The following THSD7B variants were observed in gnomAD, a reference collection of about 807,000 sequenced individuals.
The protein encoded by THSD7B is thrombospondin type 1 domain containing 7B.
Under a neutral mutation model 213.6 loss-of-function variants are expected in THSD7B, and 138 were observed. The observed-to-expected ratio is 0.65, with a 90% CI of 0.56 to 0.74. The LOEUF (loss-of-function observed/expected upper bound fraction) is 0.74, where lower values mean the gene tolerates loss of function less well. Among genes scored for constraint, THSD7B ranks in the 30% least tolerant of loss-of-function variants. The pLI is 0.00. For synonymous variants in THSD7B, 742 were observed against 687.0 expected (o/e 1.08, Z -1.25); for missense variants, 1,931 against 1,991.5 (o/e 0.97, Z 0.58).
chr2:137,136,219 A>T (rs928944663), intron 5 of THSD7B, among the ~76,000 whole-genome samples: 6 of 152,150 alleles, frequency 3.9e-5, no homozygotes, highest in Non-Finnish European at 7.3e-5. Context: ...TGATGGGTGG[A>T]GCAAAACCAC....
chr2:137,147,452 C>T (rs1423428994), intron 5 of THSD7B, among the ~76,000 whole-genome samples: 1 of 149,072 alleles, frequency 6.7e-6, no homozygotes, highest in South Asian at 2.1e-4. Flanking sequence ...ATGAGGCCTT[C>T]ATTACTCCTT....
chr2:136,905,358 G>A (rs1389367967), intron 2 of THSD7B, among the ~76,000 whole-genome samples: 1 of 152,118 alleles, frequency 6.6e-6, no homozygotes, highest in Non-Finnish European at 1.5e-5. Context: ...AGTTGGTGAG[G>A]CAGCACAGAT....
chr2:137,076,948 T>G (rs35602389), intron 3 of THSD7B, among the ~76,000 whole-genome samples: 12,402 of 150,960 alleles, frequency 0.082, 739 homozygotes, highest in African/African-American at 0.16. Context: ...TAACATTAGG[T>G]ATATCTCCTA....
chr2:137,412,208 T>C (rs561661475), intron 14 of THSD7B, among the ~76,000 whole-genome samples: 24 of 152,194 alleles, frequency 1.6e-4, no homozygotes, highest in African/African-American at 5.5e-4. Context: ...TGCTGTTTTT[T>C]CATGCTCTGA....
At chr2:137,052,325 T>C (rs568866175) in intron 2 of THSD7B, among the ~76,000 whole-genome samples, 1 of 152,294 alleles carries the variant, frequency 6.6e-6, no homozygotes, top group Admixed American at 6.5e-5. Context: ...ATCATTGAAG[T>C]ACTTTCTGAG....
chr2:137,218,827 G>C (rs1341858030), intron 7 of THSD7B, among the ~76,000 whole-genome samples: 2 of 151,808 alleles, frequency 1.3e-5, no homozygotes, highest in African/African-American at 2.4e-5. Flanking sequence ...TTTACAGCTG[G>C]TTGGTTTTAC....
At chr2:137,048,636 G>A (rs1024533040) in intron 2 of THSD7B, among the ~76,000 whole-genome samples, 4 of 152,180 alleles carry the variant, frequency 2.6e-5, no homozygotes, top group African/African-American at 4.8e-5. Flanking sequence ...TTTGTTTTAC[G>A]TATTTTTAAA....
chr2:137,451,376 A>C (rs968687288), intron 15 of THSD7B, among the ~76,000 whole-genome samples: 1 of 151,568 alleles, frequency 6.6e-6, no homozygotes, highest in Non-Finnish European at 1.5e-5. Context: ...AAATATAAGT[A>C]ATAATGTTGG....
intron 1 of THSD7B, among the ~76,000 whole-genome samples, chr2:136,776,860 G>GCACA (rs145111981): frequency 6.6e-6 from 1 of 151,624 alleles, no homozygotes; most frequent in Non-Finnish European, 1.5e-5. Context: ...ACACACGTAT[G>GCACA]CACACACACA....
intron 12 of THSD7B, among the ~76,000 whole-genome samples, chr2:137,324,157 A>G (rs939627291): frequency 6.6e-6 from 1 of 152,158 alleles, no homozygotes; most frequent in Non-Finnish European, 1.5e-5. Flanking sequence ...TTTTCATTTC[A>G]CTTATCACAT....
At chr2:137,322,230 A>C (rs1289844999) in intron 12 of THSD7B, among the ~76,000 whole-genome samples, 2 of 152,200 alleles carry the variant, frequency 1.3e-5, no homozygotes, top group Non-Finnish European at 2.9e-5. Flanking sequence ...GCTTTTACAA[A>C]GTTGCAAATC....
intron 7 of THSD7B, among the ~76,000 whole-genome samples, chr2:137,211,271 A>G (rs1681096111): frequency 8.8e-6 from 1 of 113,340 alleles, no homozygotes; most frequent in Admixed American, 9.6e-5. Context: ...ACAATGGGGC[A>G]TAGTCCATTT....
chr2:136,873,674 A>G (rs1185698246), intron 1 of THSD7B, among the ~76,000 whole-genome samples: 2 of 152,154 alleles, frequency 1.3e-5, no homozygotes, highest in East Asian at 3.8e-4. Flanking sequence ...GCTGGAGTGG[A>G]GTTCTGACTT....
rs16836977 is a variant in THSD7B at position 136,846,765 on chromosome 2, T to C, written c.-35-35379T>C. On this transcript the variant is annotated intron_variant, in intron 1 of 27. Transcript: ENST00000409968. ...AAGAAAATCACCCACTGAAGCACTG[T>C]ATGGGTTTTACGATACACAGATTTC... 9.6e-3 allele frequency among the ~76,000 whole-genome samples: 1,469 copies of C among 152,262 alleles called. 27 individuals are homozygous for C. The highest frequency in any genetic ancestry group is 0.034 in the African/African-American group (1,393 of 41,540).
chr2:136,864,642 TC>T (rs1683305024), intron 1 of THSD7B, among the ~76,000 whole-genome samples: 1 of 152,056 alleles, frequency 6.6e-6, no homozygotes, highest in Non-Finnish European at 1.5e-5. Flanking sequence ...AAGCTCCACC[TC>T]CCAGGTTCAC....
At chr2:137,328,269 C>T (rs1367819319) in intron 12 of THSD7B, among the ~76,000 whole-genome samples, 1 of 152,128 alleles carries the variant, frequency 6.6e-6, no homozygotes, top group Non-Finnish European at 1.5e-5. Context: ...TTGGCAGAAA[C>T]AGCAACAACA....
chr2:137,663,332 T>C, intron 25 of THSD7B, 51 bp from the exon 26 acceptor site: 6 of 1,379,402 alleles, frequency 4.3e-6, no homozygotes, highest in Non-Finnish European at 5.8e-6. Context: ...TTTTTATTCA[T>C]TCACCTGTTC....
At chr2:137,112,889 A>G (rs1325547603) in intron 4 of THSD7B, among the ~76,000 whole-genome samples, 4 of 152,126 alleles carry the variant, frequency 2.6e-5, no homozygotes, top group Non-Finnish European at 4.4e-5. Context: ...GTCAGGCTCA[A>G]TGATTGGTAT....
chr2:137,371,842 T>C (rs1558773716), intron 12 of THSD7B, among the ~76,000 whole-genome samples: 1 of 152,138 alleles, frequency 6.6e-6, no homozygotes, highest in Non-Finnish European at 1.5e-5. Flanking sequence ...GCACTACTGG[T>C]TTCATGGTAG....
Sources: allele counts gnomAD v4.1 joint callset (sites outside exome capture counted in the v4.1 genomes callset), GRCh38; gene constraint gnomAD v4.1.1; transcripts MANE v1.5; gene names NCBI Gene and HGNC (gene_info 2026-07-23, HGNC 2026-07-21).